The following CBFA2T2 variants were observed in gnomAD, a reference collection of about 807,000 sequenced individuals.
CBFA2T2 encodes the protein CBFA2/RUNX1 partner transcriptional co-repressor 2.
In CBFA2T2, 11 loss-of-function variants were observed where a neutral mutation model predicts 62.2. That is an observed-to-expected ratio of 0.18 (90% CI 0.11 to 0.29). The LOEUF is 0.29. Among genes scored for constraint, CBFA2T2 ranks in the 10% least tolerant of loss-of-function variants. The probability of loss-of-function intolerance (pLI) is 1.00; values close to 1 mark genes in which losing one functional copy is unlikely to be tolerated. For synonymous variants in CBFA2T2, 295 were observed against 287.5 expected, an observed-to-expected ratio of 1.03 and a Z score of -0.27; for missense variants, 592 against 774.1, an observed-to-expected ratio of 0.76 and a Z score of 2.79.
chr20:33,608,507 C>G (rs1049998903), intron 2 of CBFA2T2, among the ~76,000 whole-genome samples: 4 of 152,168 alleles, frequency 2.6e-5, no homozygotes, highest in African/African-American at 9.7e-5. Flanking sequence ...AATGGAGTAG[C>G]TGGTAACTGT....
chr20:33,525,609 T>G (rs1227573964), intron 1 of CBFA2T2, among the ~76,000 whole-genome samples: 2 of 152,174 alleles, frequency 1.3e-5, no homozygotes, highest in African/African-American at 4.8e-5. Context: ...CCATACCCAT[T>G]AACAATTACT....
chr20:33,572,905 CA>C (rs1316783699), intron 1 of CBFA2T2, among the ~76,000 whole-genome samples: 1 of 152,148 alleles, frequency 6.6e-6, no homozygotes, highest in Non-Finnish European at 1.5e-5. Flanking sequence ...CTGGAAGCAG[CA>C]AGACCAGAAG....
intron 1 of CBFA2T2, among the ~76,000 whole-genome samples, chr20:33,578,363 G>C (rs1007916872): frequency 1.4e-4 from 22 of 152,286 alleles, no homozygotes; most frequent in Admixed American, 1.4e-3. Flanking sequence ...GAGAATTTGG[G>C]CCTAAAGTTT....
chr20:33,610,299 C>G (rs755809736), intron 2 of CBFA2T2, among the ~76,000 whole-genome samples: 4 of 152,056 alleles, frequency 2.6e-5, no homozygotes, highest in Non-Finnish European at 4.4e-5. Flanking sequence ...CAGAATGAGA[C>G]CCTGCCTCAA....
chr20:33,535,651 ATTTATTTTAT>A (rs541326916), intron 1 of CBFA2T2, among the ~76,000 whole-genome samples: 1 of 139,430 alleles, frequency 7.2e-6, no homozygotes, highest in Non-Finnish European at 1.5e-5. Flanking sequence ...TTAAATATTT[ATTTATTTTAT>A]TTTATTTTAT....
intron 10 of CBFA2T2, 49 bp downstream of exon 10, chr20:33,640,580 C>G (rs374096247): frequency 1.3e-6 from 2 of 1,548,032 alleles, no homozygotes; most frequent in Non-Finnish European, 1.8e-6. Context: ...GGAGTGACCA[C>G]GCCCGCTGCC....
At chr20:33,491,014 G>C (rs1398010815) in intron 1 of CBFA2T2, among the ~76,000 whole-genome samples, 1 of 152,144 alleles carries the variant, frequency 6.6e-6, no homozygotes, top group Admixed American at 6.6e-5. Flanking sequence ...ATTTTGTTTT[G>C]TTGTCTGTTA....
chr20:33,517,440 G>T (rs1216588862), intron 1 of CBFA2T2, among the ~76,000 whole-genome samples: 3 of 148,358 alleles, frequency 2.0e-5, no homozygotes, highest in African/African-American at 5.0e-5. Context: ...TGGTTTTTTT[G>T]GTTTTTTTGG....
At chr20:33,553,858 A>G (rs1294857681) in intron 1 of CBFA2T2, among the ~76,000 whole-genome samples, 1 of 152,150 alleles carries the variant, frequency 6.6e-6, no homozygotes, top group African/African-American at 2.4e-5. Flanking sequence ...GTGATTTTTA[A>G]AAAGTCTGAT....
Position 33,492,249 on chromosome 20 carries a change from C to T in CBFA2T2, c.34+1948C>T, listed in dbSNP as rs138369063. On this transcript the variant is annotated intron_variant, in intron 1 of 10. Coordinates refer to ENST00000342704, the MANE Select transcript of CBFA2T2 (RefSeq NM_001032999.3). The stretch of plus-strand genomic sequence containing the variant: ...GGTCAGGCTGGTCTCGAACCCCTGA[C>T]CTCAGGTAATTCACCCACCTCAGCC... 4.7e-3 allele frequency among the ~76,000 whole-genome samples: 718 copies of T among 151,914 alleles called. 10 individuals are homozygous for T. Among genetic ancestry groups the T allele is most frequent in the South Asian group, 0.038 (181 of 4,808 alleles).
At position 33,503,633 on chromosome 20, in the gene CBFA2T2, T is replaced by G. The variant is rs114411431; in HGVS notation, c.34+13332T>G. Reference sequence around the variant, plus strand: ...ATATATTCATTTTGTATGGTTTATTTATTTATCTTTTTTTCTTGGTGCTTC... The same window carrying G: ...ATATATTCATTTTGTATGGTTTATTGATTTATCTTTTTTTCTTGGTGCTTC... On this transcript the variant is annotated intron_variant, in intron 1 of 10. Transcript: ENST00000342704. 2.6e-3 allele frequency among the ~76,000 whole-genome samples: 401 copies of G among 152,302 alleles called. 1 individual carries two copies. Among genetic ancestry groups the G allele is most frequent in the African/African-American group, 9.5e-3 (396 of 41,584 alleles).
intron 1 of CBFA2T2, among the ~76,000 whole-genome samples, chr20:33,601,511 C>T (rs1240075680): frequency 6.6e-6 from 1 of 152,054 alleles, no homozygotes; most frequent in Non-Finnish European, 1.5e-5. Flanking sequence ...GTGATCCGCC[C>T]GCCTCAGCTT....
In CBFA2T2 at chr20:33,644,992, G is replaced by T; in HGVS notation, c.*346G>T. ...TCCTTGAGTCAGCAGACTGTCCAAT[G>T]TGCTCAGCCAGGCTGGAGGCGGCAG... On this transcript the variant is annotated 3_prime_UTR_variant, in exon 11 of 11. Transcript: ENST00000342704. The T allele has an allele frequency of 4.3e-6, 1 of 234,366 alleles. No individual in the cohort carries two copies. Among genetic ancestry groups the T allele is most frequent in the Non-Finnish European group, 8.3e-6 (1 of 120,314 alleles). 14.5% of individuals were successfully genotyped at this position (234,366 alleles called of 1,614,324 possible).
At chr20:33,640,699 T>C (rs1245143965) in intron 10 of CBFA2T2, among the ~76,000 whole-genome samples, 168 bp downstream of exon 10, 3 of 152,164 alleles carry the variant, frequency 2.0e-5, no homozygotes, top group East Asian at 3.9e-4. Flanking sequence ...TAAGACTCTT[T>C]TACATGCCAA....
intron 1 of CBFA2T2, among the ~76,000 whole-genome samples, chr20:33,566,613 A>C (rs2146897946): frequency 6.6e-6 from 1 of 152,228 alleles, no homozygotes; most frequent in East Asian, 1.9e-4. Flanking sequence ...CTCAAAAAAA[A>C]AAAAAGTACA....
intron 1 of CBFA2T2, among the ~76,000 whole-genome samples, chr20:33,557,822 A>G (rs1009406818): frequency 6.8e-6 from 1 of 147,164 alleles, no homozygotes; most frequent in Non-Finnish European, 1.5e-5. Flanking sequence ...TAGGTCTTTT[A>G]TTTCTCTCTC....
At chr20:33,643,734 T>G (rs2016933327) in intron 10 of CBFA2T2, among the ~76,000 whole-genome samples, 1 of 96,216 alleles carries the variant, frequency 1.0e-5, no homozygotes, top group Non-Finnish European at 2.1e-5. Context: ...CTGGCCAACA[T>G]GGCAAAACCT....
intron 1 of CBFA2T2, among the ~76,000 whole-genome samples, chr20:33,578,351 T>C (rs1022522259): frequency 6.6e-6 from 1 of 152,182 alleles, no homozygotes; most frequent in Non-Finnish European, 1.5e-5. Context: ...TGTGAGCAAA[T>C]AGAGAATTTG....
intron 1 of CBFA2T2, among the ~76,000 whole-genome samples, chr20:33,512,821 G>C (rs540759670): frequency 6.7e-6 from 1 of 148,324 alleles, no homozygotes; most frequent in East Asian, 2.0e-4. Flanking sequence ...GCGCGATCTC[G>C]GGCTGACTGC....
Sources: allele counts gnomAD v4.1 joint callset (sites outside exome capture counted in the v4.1 genomes callset), GRCh38; gene constraint gnomAD v4.1.1; transcripts MANE v1.5; gene names NCBI Gene and HGNC (gene_info 2026-07-23, HGNC 2026-07-21).